Variants in CNIH1 observed in about 807,000 individuals in gnomAD.
The protein encoded by CNIH1 is protein cornichon homolog 1.
A neutral mutation model predicts 20.2 loss-of-function variants in CNIH1; 12 were observed. The observed-to-expected ratio is 0.59, with a 90% CI of 0.38 to 0.96. The LOEUF (loss-of-function observed/expected upper bound fraction) is 0.96. Among genes scored for constraint, CNIH1 ranks in the 40% least tolerant of loss-of-function variants. CNIH1 has a pLI of 0.00. For missense variants in CNIH1, 152 were observed against 178.8 expected (o/e 0.85, Z 0.85); for synonymous variants, 69 against 63.3 (o/e 1.09, Z -0.43).
At chr14:54,438,257 G>C (rs2031095584) in intron 1 of CNIH1, among the ~76,000 whole-genome samples, 1 of 152,184 alleles carries the variant, frequency 6.6e-6, no homozygotes, top group Non-Finnish European at 1.5e-5. Flanking sequence ...TGGGATTACA[G>C]GAATGAGCCA....
intron 1 of CNIH1, among the ~76,000 whole-genome samples, chr14:54,437,465 T>C (rs973314103): frequency 1.3e-5 from 2 of 152,134 alleles, no homozygotes; most frequent in African/African-American, 4.8e-5. Context: ...TAGAGTTCCA[T>C]AAAATTCACC....
chr14:54,436,249 C>T (rs1447612245), intron 2 of CNIH1, 120 bp downstream of exon 2: 1 of 713,504 alleles, frequency 1.4e-6, no homozygotes, highest in East Asian at 2.7e-5. Context: ...TTAAATTCTG[C>T]CTACTTCAAA....
At chr14:54,433,862 T>C (rs2030997017) in intron 2 of CNIH1, among the ~76,000 whole-genome samples, 2 of 152,182 alleles carry the variant, frequency 1.3e-5, no homozygotes. Context: ...TCTACAACTC[T>C]ACCAGTTCTA....
At chr14:54,429,823 C>T (rs2030898660) in intron 4 of CNIH1, among the ~76,000 whole-genome samples, 1 of 152,038 alleles carries the variant, frequency 6.6e-6, no homozygotes, top group African/African-American at 2.4e-5. Flanking sequence ...TCATTCATAC[C>T]ACTCAAATCA....
Position 54,425,357 on chromosome 14 carries a change from T to A in CNIH1, c.*2457A>T, listed in dbSNP as rs2030805870. On this transcript the variant is annotated 3_prime_UTR_variant, in exon 5 of 5. Coordinates refer to ENST00000216416, the MANE Select transcript of CNIH1 (RefSeq NM_005776.3). The stretch of plus-strand genomic sequence containing the variant: ...AGAAAGCTTTTAAAGATAAAGCACA[T>A]AATACCAAAAGTAACTGTAATAAGG... 1 of 149,900 alleles carries A rather than the reference T, an allele frequency of 6.7e-6. No individual in the cohort carries two copies. The highest frequency in any genetic ancestry group is 2.1e-4 in the South Asian group (1 of 4,706). The allele number at this position is 149,900 out of a possible 1,614,324, so 9.3% of individuals were successfully genotyped here.
chr14:54,431,843 T>A (rs1033509803), intron 3 of CNIH1, among the ~76,000 whole-genome samples: 1 of 152,208 alleles, frequency 6.6e-6, no homozygotes, highest in Non-Finnish European at 1.5e-5. Flanking sequence ...TGTATACGTA[T>A]GTAAAAATTC....
rs1376738602 is a variant in CNIH1 at position 54,426,731 on chromosome 14, T to G, written c.*1083A>C. 6.6e-6 allele frequency: 1 copy of G among 152,198 alleles called. No individual in the cohort carries two copies. The highest frequency in any genetic ancestry group is 1.5e-5 in the Non-Finnish European group (1 of 68,016). 9.4% of individuals were successfully genotyped at this position (152,198 alleles called of 1,614,324 possible). On this transcript the variant is annotated 3_prime_UTR_variant, in exon 5 of 5. Transcript: ENST00000216416. ...ATGATGATGCTATGCCATCCACGTTTATGAATCTTGTCAAATGACAAAAGA... is the reference window on the plus strand; with the variant it reads ...ATGATGATGCTATGCCATCCACGTTGATGAATCTTGTCAAATGACAAAAGA...
At chr14:54,436,220 A>C (rs990172938) in intron 2 of CNIH1, 149 bp downstream of exon 2, 5 of 698,916 alleles carry the variant, frequency 7.2e-6, no homozygotes, top group African/African-American at 5.3e-5. Context: ...GTCAAGCACG[A>C]CAGGAAAAAG....
rs1171605795 is a variant in CNIH1, at chr14:54,426,769, C to T, written c.*1045G>A. ...AAATGACAAAAGAGGTTAATGTGCT[C>T]GGCATTTAAAAATTTTCCTTTTTAG... On this transcript the variant is annotated 3_prime_UTR_variant, in exon 5 of 5. Coordinates refer to ENST00000216416, the MANE Select transcript of CNIH1 (RefSeq NM_005776.3). The T allele has an allele frequency of 3.3e-5, 5 of 152,086 alleles. No homozygotes were observed. The highest frequency in any genetic ancestry group is 2.0e-4 in the Admixed American group (3 of 15,270). 9.4% of individuals were successfully genotyped at this position (152,086 alleles called of 1,614,324 possible). A position where few individuals can be genotyped will look rare whatever the true frequency, so the allele number is the denominator to read the frequency against.
At position 54,436,449 on chromosome 14, in the gene CNIH1, T is replaced by A; in HGVS notation, c.82-12A>T. The stretch of plus-strand genomic sequence containing the variant: ...TCAAATGCTATAATCTAAAATAAAA[T>A]TAAAACAGTTAGGACCACTCACTTT... On this transcript the variant is annotated splice_polypyrimidine_tract_variant and intron_variant, in intron 1 of 4. Coordinates refer to ENST00000216416, the MANE Select transcript of CNIH1 (RefSeq NM_005776.3). The A allele has an allele frequency of 6.9e-7, 1 of 1,452,822 alleles. No homozygotes were observed. Among genetic ancestry groups the A allele is most frequent in the African/African-American group, 1.4e-5 (1 of 71,820 alleles). 90.0% of individuals were successfully genotyped at this position (1,452,822 alleles called of 1,614,324 possible).
Position 54,424,827 on chromosome 14 carries a change from AATTTGACTG to A in CNIH1, c.*2978_*2986del, listed in dbSNP as rs2030794862. ...TGAGAGACCATTATCTGGGTACATGAATTTGACTGGTAGGTCTGTCAGTTCATGGTACAA... is the reference window on the plus strand; with the variant it reads ...TGAGAGACCATTATCTGGGTACATGAGTAGGTCTGTCAGTTCATGGTACAA... On this transcript the variant is annotated 3_prime_UTR_variant, in exon 5 of 5. Coordinates refer to ENST00000216416, the MANE Select transcript of CNIH1 (RefSeq NM_005776.3). 1 of 152,062 alleles carries A rather than the reference AATTTGACTG, an allele frequency of 6.6e-6. No homozygotes were observed. Among genetic ancestry groups the A allele is most frequent in the Non-Finnish European group, 1.5e-5 (1 of 67,976 alleles). The allele number at this position is 152,062 out of a possible 1,614,324, so 9.4% of individuals were successfully genotyped here. A position where few individuals can be genotyped will look rare whatever the true frequency, so the allele number is the denominator to read the frequency against.
At chr14:54,431,035 G>A (rs1001800544) in intron 3 of CNIH1, among the ~76,000 whole-genome samples, 1 of 151,972 alleles carries the variant, frequency 6.6e-6, no homozygotes, top group Non-Finnish European at 1.5e-5. Flanking sequence ...ACGTTGCCCA[G>A]TCTGTTCTCC....
chr14:54,437,030 G>A (rs993426569), intron 1 of CNIH1, among the ~76,000 whole-genome samples: 4 of 152,202 alleles, frequency 2.6e-5, no homozygotes, highest in African/African-American at 4.8e-5. Context: ...TGCTCAGTGG[G>A]ACACTAGAGA....
At chr14:54,435,334 G>A (rs546921830) in intron 2 of CNIH1, among the ~76,000 whole-genome samples, 106 of 152,028 alleles carry the variant, frequency 7.0e-4, no homozygotes, top group Non-Finnish European at 1.3e-3. Flanking sequence ...CTTGACCCAG[G>A]AGTTTGATAA....
intron 2 of CNIH1, among the ~76,000 whole-genome samples, chr14:54,433,931 C>T (rs765010241): frequency 2.6e-5 from 4 of 152,096 alleles, no homozygotes; most frequent in Non-Finnish European, 4.4e-5. Context: ...ACATTTACTA[C>T]CCATCTCTCT....
rs2030790872 is a variant in CNIH1, at chr14:54,424,599, C to G, written c.*3215G>C. 6.6e-6 allele frequency: 1 copy of G among 152,168 alleles called. No individual in the cohort carries two copies. Among genetic ancestry groups the G allele is most frequent in the South Asian group, 2.1e-4 (1 of 4,824 alleles). The allele number at this position is 152,168 out of a possible 1,614,324, so 9.4% of individuals were successfully genotyped here. On this transcript the variant is annotated 3_prime_UTR_variant, in exon 5 of 5. Transcript: ENST00000216416. ...ATAGAAGGAGAAGAGAGGTGTTGTA[C>G]AAAGGATTTTGCTGGTTTCAAAGCA...
At position 54,441,344 on chromosome 14, in the gene CNIH1, C is replaced by G. The variant is rs986817443; in HGVS notation, c.-17G>C. On this transcript the variant is annotated 5_prime_UTR_variant, in exon 1 of 5. Transcript: ENST00000216416. ...GAACGCCATGGCTGGGGAGGAGGAGCGGGGAGCGGCGCCGTTGCCAGCGGA... is the reference window on the plus strand; with the variant it reads ...GAACGCCATGGCTGGGGAGGAGGAGGGGGGAGCGGCGCCGTTGCCAGCGGA... The G allele has an allele frequency of 2.7e-6, 4 of 1,487,892 alleles. No individual in the cohort carries two copies. The African/African-American group carries it at 4.3e-5, about 16-fold the overall frequency. The allele number at this position is 1,487,892 out of a possible 1,614,324, so 92.2% of individuals were successfully genotyped here.
chr14:54,435,016 T>C (rs190296158), intron 2 of CNIH1, among the ~76,000 whole-genome samples: 239 of 152,354 alleles, frequency 1.6e-3, no homozygotes, highest in Non-Finnish European at 2.6e-3. Context: ...CTAGATGCTT[T>C]TCCAAATAAA....
chr14:54,440,275 G>A (rs1303020275), intron 1 of CNIH1, among the ~76,000 whole-genome samples: 1 of 152,180 alleles, frequency 6.6e-6, no homozygotes, highest in East Asian at 1.9e-4. Flanking sequence ...CAACATTCCA[G>A]AAGGCACTGG....
Sources: allele counts gnomAD v4.1 joint callset (sites outside exome capture counted in the v4.1 genomes callset), GRCh38; gene constraint gnomAD v4.1.1; transcripts MANE v1.5; gene names NCBI Gene and HGNC (gene_info 2026-07-23, HGNC 2026-07-21).